Variants in SAMD4A observed in about 807,000 individuals in gnomAD.
SAMD4A encodes protein Smaug homolog 1.
In SAMD4A, 33 loss-of-function variants were observed where a neutral mutation model predicts 81.3. The ratio of observed to expected loss-of-function variants is 0.41; its 90% confidence interval spans 0.31 to 0.54. SAMD4A has a LOEUF of 0.54. Ranked by LOEUF, SAMD4A falls within the 20% of genes least tolerant of loss-of-function variation. The pLI, the probability that SAMD4A is intolerant of heterozygous loss-of-function variation, is 0.37. For missense variants in SAMD4A, 854 were observed against 951.1 expected (o/e 0.90, Z 1.34); for synonymous variants, 389 against 382.1 (o/e 1.02, Z -0.21).
intron 2 of SAMD4A, among the ~76,000 whole-genome samples, chr14:54,638,297 T>C (rs1468516405): frequency 6.6e-6 from 1 of 152,212 alleles, no homozygotes; most frequent in Non-Finnish European, 1.5e-5. Flanking sequence ...ACTAACCTGA[T>C]GTTTCCCATA....
chr14:54,727,308 GC>G (rs1275794271), intron 3 of SAMD4A, among the ~76,000 whole-genome samples: 1 of 148,754 alleles, frequency 6.7e-6, no homozygotes, highest in African/African-American at 2.5e-5. Flanking sequence ...TCCTGCCTCA[GC>G]CCCCCGAGTA....
Position 54,637,365 on chromosome 14 carries a change from C to CAAAAAAAAA in SAMD4A, c.197-64683_197-64675dup, listed in dbSNP as rs1172084217. 1.4e-4 allele frequency among the ~76,000 whole-genome samples: 9 copies of CAAAAAAAAA among 63,786 alleles called. 1 individual carries two copies. The East Asian group carries it at 2.0e-3, about 14-fold the overall frequency. 41.8% of individuals were successfully genotyped at this position (63,786 alleles called of 152,430 possible). On this transcript the variant is annotated intron_variant, in intron 2 of 12. Transcript: ENST00000554335. The stretch of plus-strand genomic sequence containing the variant: ...GGGCAACAAGAGCGAAACTCCATCT[C>CAAAAAAAAA]AAAAAAAAAAAAAAAAAAAAAAGAG...
At chr14:54,667,311 T>G (rs1169987610) in intron 2 of SAMD4A, among the ~76,000 whole-genome samples, 1 of 152,192 alleles carries the variant, frequency 6.6e-6, no homozygotes, top group East Asian at 1.9e-4. Context: ...ATGGAAATGA[T>G]AATGCTTACT....
At chr14:54,688,046 A>C (rs2036323116) in intron 2 of SAMD4A, 1 of 985,572 alleles carries the variant, frequency 1.0e-6, no homozygotes, top group African/African-American at 1.7e-5. Flanking sequence ...GAGAGGGAGG[A>C]GATGGAGCAA....
At chr14:54,697,808 G>A (rs74244805) in intron 2 of SAMD4A, among the ~76,000 whole-genome samples, 10,069 of 152,242 alleles carry the variant, frequency 0.066, 415 homozygotes, top group East Asian at 0.16. Flanking sequence ...TTGTCCAAAG[G>A]CTTATCTGGG....
In SAMD4A at chr14:54,653,894, A is replaced by G. The variant is rs529923567; in HGVS notation, c.197-48168A>G. Among the ~76,000 whole-genome samples, 7 of 152,210 alleles carry G rather than the reference A, an allele frequency of 4.6e-5. No individual in the cohort carries two copies. The East Asian group carries it at 1.2e-3, about 25-fold the overall frequency. ...TACTGCCCTCTGTCTTAGCCGGGGA[A>G]TCTTACAGATGTTGCATCTGGTGCT... On this transcript the variant is annotated intron_variant, in intron 2 of 12. Coordinates refer to ENST00000554335, the MANE Select transcript of SAMD4A (RefSeq NM_015589.6).
chr14:54,775,270 G>C, intron 10 of SAMD4A, 135 bp downstream of exon 10: 1 of 922,664 alleles, frequency 1.1e-6, no homozygotes, highest in Middle Eastern at 2.5e-4. Flanking sequence ...CCATTCCTCA[G>C]AGGTAACAGC....
intron 3 of SAMD4A, among the ~76,000 whole-genome samples, chr14:54,731,438 T>C (rs1022240317): frequency 2.0e-5 from 3 of 152,218 alleles, no homozygotes; most frequent in African/African-American, 7.2e-5. Flanking sequence ...ACACACAGCA[T>C]ACATCACCTG....
intron 3 of SAMD4A, among the ~76,000 whole-genome samples, chr14:54,714,120 G>A (rs979441960): frequency 1.3e-5 from 2 of 152,094 alleles, no homozygotes; most frequent in Admixed American, 6.6e-5. Context: ...CTTTCGTATA[G>A]CATGATAGCC....
In SAMD4A at chr14:54,702,402, A is replaced by G; in HGVS notation, c.537A>G (p.Gln179=). The change falls in exon 3 of 13, where the codon CAA becomes CAG. Residue 179 remains glutamine (Q), a synonymous_variant. Coordinates refer to ENST00000554335, the MANE Select transcript of SAMD4A (RefSeq NM_015589.6). ...VDYGQTHYYH[Q]RQNSDDKLNG... The stretch of plus-strand genomic sequence containing the variant: ...ATGGACAGACACACTACTATCACCA[A>G]AGACAGAACTCTGATGACAAGCTCA... 1 of 1,614,138 alleles carries G rather than the reference A, an allele frequency of 6.2e-7. No homozygotes were observed. Among genetic ancestry groups the G allele is most frequent in the South Asian group, 1.1e-5 (1 of 91,078 alleles).
At chr14:54,570,471 G>A (rs542189883) in intron 2 of SAMD4A, among the ~76,000 whole-genome samples, 43 of 152,262 alleles carry the variant, frequency 2.8e-4, no homozygotes, top group African/African-American at 9.4e-4. Context: ...CAAATAATCC[G>A]TAGTGTATTG....
intron 2 of SAMD4A, among the ~76,000 whole-genome samples, chr14:54,637,727 A>C (rs1403949500): frequency 6.6e-6 from 1 of 152,156 alleles, no homozygotes; most frequent in Non-Finnish European, 1.5e-5. Context: ...GCAGGGGTGG[A>C]AGGTAGCTTT....
intron 4 of SAMD4A, 122 bp from the exon 5 acceptor site, chr14:54,748,692 AC>A: frequency 1.5e-6 from 1 of 663,424 alleles, no homozygotes; most frequent in Non-Finnish European, 2.6e-6. Flanking sequence ...TAAAGGTGTT[AC>A]TTTTTCTTTT....
At chr14:54,645,431 T>C (rs1032938750) in intron 2 of SAMD4A, among the ~76,000 whole-genome samples, 10 of 152,236 alleles carry the variant, frequency 6.6e-5, no homozygotes, top group African/African-American at 2.4e-4. Context: ...GCAATATCTT[T>C]TACATTAATT....
At chr14:54,589,049 T>C (rs2033703161) in intron 2 of SAMD4A, among the ~76,000 whole-genome samples, 3 of 152,226 alleles carry the variant, frequency 2.0e-5, no homozygotes, top group Admixed American at 2.0e-4. Context: ...TATAACATTT[T>C]CGTACTTGCA....
intron 3 of SAMD4A, among the ~76,000 whole-genome samples, chr14:54,714,510 C>T (rs1345944192): frequency 6.6e-6 from 1 of 152,106 alleles, no homozygotes; most frequent in Non-Finnish European, 1.5e-5. Flanking sequence ...CTTGGTACAC[C>T]TACAAGTCAG....
intron 8 of SAMD4A, 29 bp from the exon 9 acceptor site, chr14:54,770,075 C>A: frequency 7.1e-7 from 1 of 1,411,438 alleles, no homozygotes; most frequent in Non-Finnish European, 1.0e-6. Flanking sequence ...GCTGCGTCAC[C>A]CATTTAAAAG....
At chr14:54,672,347 G>C (rs1438898860) in intron 2 of SAMD4A, among the ~76,000 whole-genome samples, 2 of 152,238 alleles carry the variant, frequency 1.3e-5, no homozygotes, top group Middle Eastern at 3.4e-3. Context: ...GTGGAGGGAA[G>C]GTGGGAAGAT....
intron 4 of SAMD4A, among the ~76,000 whole-genome samples, chr14:54,737,561 T>TTTTTTTTTTTTTTTTTTTTCTG (rs34263162): frequency 8.2e-6 from 1 of 122,608 alleles, no homozygotes; most frequent in Non-Finnish European, 1.7e-5. Flanking sequence ...TTTTTTTTTT[T>TTTTTTTTTTTTTTTTTTTTCTG]GCATTGCAGT....
Sources: gnomAD v4.1 joint callset for allele counts (sites outside exome capture counted in the v4.1 genomes callset) on GRCh38, gnomAD v4.1.1 for gene constraint, MANE v1.5 for transcripts, NCBI Gene and HGNC (gene_info 2026-07-23, HGNC 2026-07-21) for gene names.